ZNF282: variants seen among roughly 807,000 people sequenced by gnomAD.
ZNF282 encodes the protein HTLV-I U5 repressive element-binding protein 1.
ZNF282 carries 30 observed loss-of-function variants against 61.9 expected under a neutral mutation model. The observed-to-expected ratio is 0.48, with a 90% CI of 0.36 to 0.66. The LOEUF (loss-of-function observed/expected upper bound fraction) is 0.66, where lower values mean the gene tolerates loss of function less well. ZNF282 is among the 30% of genes least tolerant of loss of function. The probability of loss-of-function intolerance (pLI) is 0.00; values close to 1 mark genes in which losing one functional copy is unlikely to be tolerated. For synonymous variants in ZNF282, 396 were observed against 405.0 expected (o/e 0.98, Z 0.27); for missense variants, 788 against 941.4 (o/e 0.84, Z 2.13).
At chr7:149,208,930 A>C (rs1796038288) in intron 4 of ZNF282, among the ~76,000 whole-genome samples, 1 of 146,884 alleles carries the variant, frequency 6.8e-6, no homozygotes, top group Non-Finnish European at 1.5e-5. Flanking sequence ...CTGAGGCAGG[A>C]GAATCGCTGG....
At position 149,196,211 on chromosome 7, in the gene ZNF282, A is replaced by G. The variant is rs375659654; in HGVS notation, c.165+457A>G. 1.8e-4 allele frequency among the ~76,000 whole-genome samples: 28 copies of G among 152,246 alleles called. No individual in the cohort carries two copies. The East Asian group carries it at 3.7e-3, about 20-fold the overall frequency. ...GACGGGGATATTTTTTAAATGTTTGATTACCACCTTTCACCAAGTGTAATG... is the reference window on the plus strand; with the variant it reads ...GACGGGGATATTTTTTAAATGTTTGGTTACCACCTTTCACCAAGTGTAATG... On this transcript the variant is annotated intron_variant, in intron 1 of 7. Coordinates refer to ENST00000610704, the MANE Select transcript of ZNF282 (RefSeq NM_003575.4).
intron 7 of ZNF282, among the ~76,000 whole-genome samples, chr7:149,217,250 T>G (rs546586341): frequency 1.3e-5 from 2 of 152,256 alleles, no homozygotes; most frequent in African/African-American, 4.8e-5. Context: ...GAATAAGCAG[T>G]GAAGGGCCAG....
chr7:149,196,048 C>T (rs1222264102), intron 1 of ZNF282, among the ~76,000 whole-genome samples: 2 of 152,020 alleles, frequency 1.3e-5, no homozygotes, highest in South Asian at 2.1e-4. Context: ...TTTCCGGGAC[C>T]TGGCAGAGCT....
intron 4 of ZNF282, among the ~76,000 whole-genome samples, chr7:149,209,147 T>C (rs1796043102): frequency 6.7e-6 from 1 of 149,054 alleles, no homozygotes; most frequent in Non-Finnish European, 1.5e-5. Flanking sequence ...TGAAACCGTG[T>C]CTCTACTAAA....
intron 6 of ZNF282, among the ~76,000 whole-genome samples, chr7:149,213,256 G>A (rs1796113596): frequency 6.6e-6 from 1 of 152,232 alleles, no homozygotes; most frequent in African/African-American, 2.4e-5. Flanking sequence ...ACCCAGGGCA[G>A]AGGGAAAGCG....
intron 7 of ZNF282, among the ~76,000 whole-genome samples, chr7:149,216,657 G>A (rs1468748265): frequency 6.6e-6 from 1 of 152,204 alleles, no homozygotes; most frequent in African/African-American, 2.4e-5. Context: ...CAGCCAGATG[G>A]TAGCCATGCT....
intron 4 of ZNF282, among the ~76,000 whole-genome samples, chr7:149,207,883 T>C (rs547023577): frequency 1.3e-5 from 2 of 152,320 alleles, no homozygotes; most frequent in African/African-American, 4.8e-5. Context: ...CGTCATCACC[T>C]CATTCGTCGG....
intron 4 of ZNF282, among the ~76,000 whole-genome samples, chr7:149,207,759 C>A (rs184560510): frequency 6.6e-6 from 1 of 152,256 alleles, no homozygotes; most frequent in African/African-American, 2.4e-5. Context: ...CTTAGGCTTA[C>A]GCTACCGCCC....
At position 149,224,873 on chromosome 7, in the gene ZNF282, C is replaced by T; in HGVS notation, c.*226C>T. ...AGCTGCTGGGGAAGAGCCAGGGGGA[C>T]CGCGAGGAGCCGAGCGTCCTCGGGC... On this transcript the variant is annotated 3_prime_UTR_variant, in exon 8 of 8. Transcript: ENST00000610704. 1 of 770,994 alleles carries T rather than the reference C, an allele frequency of 1.3e-6. No individual in the cohort carries two copies. Among genetic ancestry groups the T allele is most frequent in the Non-Finnish European group, 2.0e-6 (1 of 510,338 alleles). The allele number at this position is 770,994 out of a possible 1,614,324, so 47.8% of individuals were successfully genotyped here.
intron 7 of ZNF282, among the ~76,000 whole-genome samples, chr7:149,216,042 A>G (rs537097420): frequency 6.6e-6 from 1 of 152,324 alleles, no homozygotes; most frequent in Non-Finnish European, 1.5e-5. Flanking sequence ...AAAGGACCCC[A>G]CCATTTTCCT....
At chr7:149,207,567 A>G in intron 4 of ZNF282, 97 bp downstream of exon 4, 1 of 1,505,008 alleles carries the variant, frequency 6.6e-7, no homozygotes, top group Non-Finnish European at 8.9e-7. Flanking sequence ...CTGTGTGTGC[A>G]CCATGGGGCG....
chr7:149,201,408 G>C (rs1795907713), intron 2 of ZNF282, among the ~76,000 whole-genome samples: 1 of 152,114 alleles, frequency 6.6e-6, no homozygotes, highest in Admixed American at 6.6e-5. Flanking sequence ...CAACACAGCA[G>C]CCAGAGTGAT....
At chr7:149,218,592 A>C (rs921640825) in intron 7 of ZNF282, among the ~76,000 whole-genome samples, 4 of 152,048 alleles carry the variant, frequency 2.6e-5, no homozygotes, top group African/African-American at 9.7e-5. Context: ...CTGATTTGGG[A>C]GTTACAGGTT....
Position 149,212,347 on chromosome 7 carries a change from C to A in ZNF282, c.953-11C>A. 6.3e-7 allele frequency: 1 copy of A among 1,597,018 alleles called. No homozygotes were observed. On this transcript the variant is annotated splice_polypyrimidine_tract_variant and intron_variant, in intron 5 of 7. Coordinates refer to ENST00000610704, the MANE Select transcript of ZNF282 (RefSeq NM_003575.4). ...TTCTAACACCTTTGCCGCTCTTGTT[C>A]CCGCAAGTAGACTCCCCAATTTCTG...
chr7:149,223,716 G>A (rs1796297388), intron 7 of ZNF282, 96 bp from the exon 8 acceptor site: 1 of 1,286,836 alleles, frequency 7.8e-7, no homozygotes, highest in East Asian at 3.0e-5. Flanking sequence ...TGGAACTGAG[G>A]CTCAGATAGC....
intron 1 of ZNF282, 133 bp downstream of exon 1, chr7:149,195,887 G>T (rs1795808164): frequency 3.7e-6 from 3 of 811,404 alleles, no homozygotes; most frequent in South Asian, 5.5e-5. Context: ...GGCGAGGCCC[G>T]AGGCGGGCGG....
chr7:149,196,376 G>C (rs992428714), intron 1 of ZNF282, among the ~76,000 whole-genome samples: 1 of 152,166 alleles, frequency 6.6e-6, no homozygotes, highest in African/African-American at 2.4e-5. Flanking sequence ...CTGAGCCCTT[G>C]CCTGGTCCCA....
chr7:149,223,980 A>G lies in ZNF282; in HGVS notation c.1349A>G (p.Asp450Gly). Residue 450 changes from aspartate (D) to glycine (G), a missense_variant, in exon 8 of 8, where the codon GAC becomes GGC. Asp to Gly is a moderately conservative substitution (Grantham distance 94). Coordinates refer to ENST00000610704, the MANE Select transcript of ZNF282 (RefSeq NM_003575.4). ...GGPPSRGLLD[D>G]GFQVLPGERG... ...CCCCCGAGCCGAGGGCTGCTGGACG[A>G]CGGTTTCCAGGTGCTGCCCGGGGAG... 7.8e-7 allele frequency: 1 copy of G among 1,274,506 alleles called. No individual in the cohort carries two copies. Among genetic ancestry groups the G allele is most frequent in the Non-Finnish European group, 9.9e-7 (1 of 1,011,424 alleles). The allele number at this position is 1,274,506 out of a possible 1,614,324, so 78.9% of individuals were successfully genotyped here.
At chr7:149,210,467 C>G in intron 4 of ZNF282, 118 bp from the exon 5 acceptor site, 1 of 1,517,316 alleles carries the variant, frequency 6.6e-7, no homozygotes, top group Non-Finnish European at 8.9e-7. Flanking sequence ...CCAGAATGTC[C>G]TGGTGACCAG....
Sources: allele counts gnomAD v4.1 joint callset (sites outside exome capture counted in the v4.1 genomes callset), GRCh38; gene constraint gnomAD v4.1.1; transcripts MANE v1.5; gene names NCBI Gene and HGNC (gene_info 2026-07-23, HGNC 2026-07-21).